CDH3: variants seen among roughly 807,000 people sequenced by gnomAD.
The protein encoded by CDH3 is cadherin 3.
CDH3 carries 54 observed loss-of-function variants against 82.0 expected under a neutral mutation model. That is an observed-to-expected ratio of 0.66 (90% CI 0.53 to 0.83). The LOEUF (loss-of-function observed/expected upper bound fraction) is 0.83, where lower values mean the gene tolerates loss of function less well. Among genes scored for constraint, CDH3 ranks in the 40% least tolerant of loss-of-function variants. The pLI is 0.00. For synonymous variants in CDH3, 446 were observed against 437.9 expected, an observed-to-expected ratio of 1.02 and a Z score of -0.23; for missense variants, 1,054 against 1,084.6, an observed-to-expected ratio of 0.97 and a Z score of 0.40.
chr16:68,645,485 C>T (rs1302028053), intron 1 of CDH3, 61 bp downstream of exon 1: 10 of 1,575,998 alleles, frequency 6.3e-6, no homozygotes, highest in Middle Eastern at 1.7e-4. Context: ...GGGCGGGGTC[C>T]GCATGGGGCA....
At position 68,678,256 on chromosome 16, in the gene CDH3, C is replaced by A. The variant is rs746810978; in HGVS notation, c.369C>A (p.Pro123=). Residue 123 remains proline (P), a synonymous_variant, in exon 4 of 16, where the codon CCC becomes CCA. Coordinates refer to ENST00000264012, the MANE Select transcript of CDH3 (RefSeq NM_001793.6). ...PISVPENGKG[P]FPQRLNQLKS... The stretch of plus-strand genomic sequence containing the variant: ...CTGTCCCTGAAAATGGCAAGGGTCC[C>A]TTCCCCCAGAGACTGAATCAGGTAC... 6.8e-6 allele frequency: 11 copies of A among 1,614,078 alleles called. No homozygotes were observed. In the Admixed American group the frequency reaches 1.8e-4, roughly 27 times the overall value.
Position 68,695,892 on chromosome 16 carries a change from AC to A in CDH3, c.2252del (p.Pro751GlnfsTer8). ...PTPMYRPRPA[N>X]PDEIGNFIIE... The stretch of plus-strand genomic sequence containing the variant: ...CCCATGTACCGTCCTCGGCCAGCCA[AC>A]CCAGATGAAATCGGCAACTTTATAA... On this transcript the variant is annotated frameshift_variant, in exon 15 of 16. Transcript: ENST00000264012. LOFTEE classifies it high-confidence loss of function. 6.2e-7 allele frequency: 1 copy of A among 1,614,104 alleles called. No homozygotes were observed. The highest frequency in any genetic ancestry group is 8.5e-7 in the Non-Finnish European group (1 of 1,180,012).
At position 68,698,226 on chromosome 16, in the gene CDH3, G is replaced by A. The variant is rs762350401; in HGVS notation, c.2316G>A (p.Pro772=). The A allele has an allele frequency of 1.9e-5, 31 of 1,614,084 alleles. No homozygotes were observed. The highest frequency in any genetic ancestry group is 1.7e-4 in the Admixed American group (10 of 59,998). Reference sequence around the variant, plus strand: ...CGGCTAACACAGACCCCACAGCCCCGCCCTACGACACCCTCTTGGTGTTCG... The same window carrying A: ...CGGCTAACACAGACCCCACAGCCCCACCCTACGACACCCTCTTGGTGTTCG... ...LKAANTDPTA[P]PYDTLLVFDY... is the part of the protein sequence containing the mutation. Residue 772 remains proline, a synonymous_variant, in exon 16 of 16, where the codon CCG becomes CCA. Transcript: ENST00000264012.
At chr16:68,706,006 A>G (rs1961957330) in intron 1 of CDH3, among the ~76,000 whole-genome samples, 1 of 148,090 alleles carries the variant, frequency 6.8e-6, no homozygotes, top group Non-Finnish European at 1.5e-5. Flanking sequence ...CAGAGCTTGC[A>G]GTGAGCCGAG....
chr16:68,726,414 C>T (rs952058222), intron 2 of CDH3, among the ~76,000 whole-genome samples: 6 of 151,980 alleles, frequency 3.9e-5, no homozygotes, highest in African/African-American at 1.2e-4. Flanking sequence ...TTCAGGTCCC[C>T]GCAAAAGACT....
At chr16:68,728,081 A>C (rs1426267936), downstream of CDH3, among the ~76,000 whole-genome samples, 2 of 152,234 alleles carry the variant, frequency 1.3e-5, no homozygotes, top group Non-Finnish European at 2.9e-5. Context: ...ACAAAGCCTG[A>C]TACATAATTG....
At chr16:68,710,011 C>G (rs1022596632) in intron 1 of CDH3, among the ~76,000 whole-genome samples, 1 of 152,240 alleles carries the variant, frequency 6.6e-6, no homozygotes, top group Non-Finnish European at 1.5e-5. Context: ...GATCCACTCT[C>G]TTCCCTTCTT....
At chr16:68,652,232 C>G (rs774555588) in intron 2 of CDH3, among the ~76,000 whole-genome samples, 4 of 152,104 alleles carry the variant, frequency 2.6e-5, no homozygotes, top group Admixed American at 2.0e-4. Context: ...CCTAGCAGGC[C>G]GCTTTCCTGG....
intron 8 of CDH3, among the ~76,000 whole-genome samples, chr16:68,682,078 A>G (rs551358359): frequency 2.0e-5 from 3 of 152,138 alleles, no homozygotes; most frequent in Non-Finnish European, 4.4e-5. Context: ...CCCTGCGTGT[A>G]GGGAAAGCAG....
chr16:68,678,086 T>C (rs1961084895), intron 3 of CDH3, 48 bp from the exon 4 acceptor site: 2 of 1,562,824 alleles, frequency 1.3e-6, no homozygotes, highest in African/African-American at 1.3e-5. Flanking sequence ...ATGTTGAGCA[T>C]GTCCCAGCTA....
chr16:68,660,667 A>G (rs1020872369), intron 2 of CDH3, among the ~76,000 whole-genome samples: 1 of 152,130 alleles, frequency 6.6e-6, no homozygotes, highest in Non-Finnish European at 1.5e-5. Context: ...ATTCTTGAAA[A>G]CCACAAATAG....
chr16:68,727,172 T>C (rs2152111905), exon 3 of CDH3, among the ~76,000 whole-genome samples: 1 of 152,334 alleles, frequency 6.6e-6, no homozygotes, highest in African/African-American at 2.4e-5. Context: ...ACCTGCCTTC[T>C]GCCCTTAAAC....
intron 11 of CDH3, among the ~76,000 whole-genome samples, chr16:68,687,072 G>A (rs1261935028): frequency 6.6e-6 from 1 of 152,168 alleles, no homozygotes. Context: ...GATTGATAGG[G>A]GCTGACTGGA....
chr16:68,647,906 C>A (rs990368660), intron 2 of CDH3, among the ~76,000 whole-genome samples: 3 of 152,108 alleles, frequency 2.0e-5, no homozygotes, highest in Admixed American at 6.6e-5. Flanking sequence ...TGCTAAGGAA[C>A]AATCACCCCT....
At chr16:68,651,379 G>A (rs1290791094) in intron 2 of CDH3, 2 of 553,876 alleles carry the variant, frequency 3.6e-6, no homozygotes, top group Non-Finnish European at 7.3e-6. Context: ...TGGTTCTTGG[G>A]GCTGTAGAGA....
chr16:68,651,844 TC>T (rs1960257100), intron 2 of CDH3: 1 of 495,994 alleles, frequency 2.0e-6, no homozygotes, highest in Admixed American at 2.2e-5. Flanking sequence ...AGTCCCTCGA[TC>T]CAGCTGTGGA....
chr16:68,678,194 C>A lies in CDH3; in HGVS notation c.307C>A (p.Arg103=). The change falls in exon 4 of 16, where the codon CGA becomes AGA. Residue 103 remains arginine, a synonymous_variant. Transcript: ENST00000264012. ...LKIFPSKRIL[R]RHKRDWVVAP... ...GATCTTCCCATCCAAACGTATCTTA[C>A]GAAGACACAAGAGAGATTGGGTGGT... The A allele has an allele frequency of 6.2e-7, 1 of 1,613,484 alleles. No individual in the cohort carries two copies. Among genetic ancestry groups the A allele is most frequent in the Non-Finnish European group, 8.5e-7 (1 of 1,179,408 alleles).
At chr16:68,687,827 A>G in intron 12 of CDH3, 91 bp downstream of exon 12, 2 of 887,072 alleles carry the variant, frequency 2.3e-6, no homozygotes, top group Non-Finnish European at 1.9e-6. Flanking sequence ...TTCCTATCCT[A>G]GCATCTTGTG....
At chr16:68,681,374 C>A (rs941542083) in intron 8 of CDH3, among the ~76,000 whole-genome samples, 3 of 152,180 alleles carry the variant, frequency 2.0e-5, no homozygotes, top group Non-Finnish European at 4.4e-5. Flanking sequence ...ATATGAAAAT[C>A]TTTGTTGATT....
Sources: gnomAD v4.1 joint callset for allele counts (sites outside exome capture counted in the v4.1 genomes callset) on GRCh38, gnomAD v4.1.1 for gene constraint, MANE v1.5 for transcripts, NCBI Gene and HGNC (gene_info 2026-07-23, HGNC 2026-07-21) for gene names.